Variants in LARP1B observed in about 807,000 individuals in gnomAD.
LARP1B encodes La ribonucleoprotein 1B, also known as la-related protein 1B.
Under a neutral mutation model 114.2 loss-of-function variants are expected in LARP1B, and 76 were observed. The observed-to-expected ratio is 0.67, with a 90% CI of 0.55 to 0.81. The LOEUF (loss-of-function observed/expected upper bound fraction) is 0.81. LARP1B is among the 30% of genes least tolerant of loss of function. The pLI is 0.00. For synonymous variants in LARP1B, 345 were observed against 348.0 expected, an observed-to-expected ratio of 0.99 and a Z score of 0.10; for missense variants, 1,014 against 1,075.8, an observed-to-expected ratio of 0.94 and a Z score of 0.80.
chr4:128,105,796 G>A (rs943014097), intron 8 of LARP1B, among the ~76,000 whole-genome samples: 3 of 152,114 alleles, frequency 2.0e-5, no homozygotes, highest in Non-Finnish European at 4.4e-5. Flanking sequence ...GAAGGCTGAG[G>A]CAGAGAATTG....
intron 5 of LARP1B, among the ~76,000 whole-genome samples, chr4:128,083,394 T>C (rs1282083091): frequency 1.4e-4 from 21 of 149,544 alleles, no homozygotes; most frequent in African/African-American, 2.2e-4. Flanking sequence ...TAGGGGCGGC[T>C]GGGCAGAGGC....
intron 9 of LARP1B, among the ~76,000 whole-genome samples, chr4:128,112,466 A>ATTTTTTTTTTT (rs1174266918): frequency 1.3e-4 from 9 of 69,322 alleles, no homozygotes; most frequent in Non-Finnish European, 1.5e-4. Context: ...TGCTTACTCT[A>ATTTTTTTTTTT]TTTTTTTTTT....
At position 128,107,139 on chromosome 4, in the gene LARP1B, G is replaced by A. The variant is rs983971028; in HGVS notation, c.814G>A (p.Ala272Thr). ...TTAATAGCTCAATTTCTGTTAATAG[G>A]CACTGAAGGATAGCACAGAAGTAGA... ...LTTNLNLILEALKDSTEVEIV... is the reference protein window; with the variant it reads ...LTTNLNLILETLKDSTEVEIV... Residue 272 changes from alanine to threonine, a missense_variant and splice_region_variant, in exon 9 of 20, where the codon GCA (alanine) becomes ACA (threonine). By Grantham distance (58) the Ala-to-Thr change is moderately conservative (BLOSUM62 0). Coordinates refer to ENST00000326639, the MANE Select transcript of LARP1B (RefSeq NM_018078.4). 2 of 1,611,570 alleles carry A rather than the reference G, an allele frequency of 1.2e-6. No individual in the cohort carries two copies. The highest frequency in any genetic ancestry group is 1.7e-6 in the Non-Finnish European group (2 of 1,177,864).
At chr4:128,070,490 C>T (rs1284543896) in intron 1 of LARP1B, among the ~76,000 whole-genome samples, 1 of 150,706 alleles carries the variant, frequency 6.6e-6, no homozygotes, top group Non-Finnish European at 1.5e-5. Context: ...GTGAAACCCT[C>T]TCTCTACTAA....
intron 3 of LARP1B, among the ~76,000 whole-genome samples, chr4:128,076,111 T>G (rs1163658892): frequency 6.6e-6 from 1 of 152,102 alleles, no homozygotes; most frequent in Admixed American, 6.6e-5. Flanking sequence ...CCTCCCGGGT[T>G]TAAGTGATTC....
chr4:128,214,042 G>A (rs560067952), downstream of LARP1B, among the ~76,000 whole-genome samples: 4 of 150,048 alleles, frequency 2.7e-5, no homozygotes, highest in Admixed American at 2.7e-4. Context: ...AAGGGGTGAC[G>A]GACGCACCTG....
chr4:128,179,929 T>C (rs1160247189), intron 15 of LARP1B, among the ~76,000 whole-genome samples: 1 of 152,166 alleles, frequency 6.6e-6, no homozygotes, highest in Non-Finnish European at 1.5e-5. Flanking sequence ...TCCCCCTTTT[T>C]TGAAAATCAT....
chr4:128,195,156 A>C (rs1397289984), intron 15 of LARP1B, among the ~76,000 whole-genome samples: 1 of 152,026 alleles, frequency 6.6e-6, no homozygotes, highest in African/African-American at 2.4e-5. Context: ...CCAGCTTTCT[A>C]TTATATTTGC....
At chr4:128,091,242 A>G in intron 6 of LARP1B, 98 bp downstream of exon 6, 1 of 1,530,936 alleles carries the variant, frequency 6.5e-7, no homozygotes. Context: ...TTGTCTGATA[A>G]TAGATGGTTT....
chr4:128,201,273 A>G (rs1755859579), intron 17 of LARP1B, among the ~76,000 whole-genome samples: 1 of 152,198 alleles, frequency 6.6e-6, no homozygotes, highest in South Asian at 2.1e-4. Context: ...GTACTACACA[A>G]GGTTGTTAAT....
At chr4:128,195,112 G>T (rs922890742) in intron 15 of LARP1B, among the ~76,000 whole-genome samples, 8 of 151,108 alleles carry the variant, frequency 5.3e-5, no homozygotes, top group African/African-American at 1.9e-4. Flanking sequence ...TTTTTTTGTT[G>T]TTGAAATCTT....
intron 5 of LARP1B, among the ~76,000 whole-genome samples, chr4:128,082,804 CTT>C (rs33973592): frequency 0.61 from 85,995 of 141,238 alleles, 26,164 homozygotes; most frequent in Middle Eastern, 0.81. Flanking sequence ...TCATTTTCTT[CTT>C]TTTTTTTTTT....
chr4:128,152,307 G>A (rs954080683), intron 11 of LARP1B, among the ~76,000 whole-genome samples: 43 of 150,356 alleles, frequency 2.9e-4, no homozygotes, highest in Admixed American at 4.7e-4. Flanking sequence ...GGGTTCAAGC[G>A]ATTCTCCTGC....
intron 9 of LARP1B, among the ~76,000 whole-genome samples, chr4:128,113,896 C>T (rs188708695): frequency 0.019 from 2,833 of 150,520 alleles, 44 homozygotes; most frequent in Non-Finnish European, 0.027. Context: ...AAGCGATTCT[C>T]CTGCGTCAGC....
chr4:128,127,901 A>G (rs1790176015), intron 11 of LARP1B, among the ~76,000 whole-genome samples: 1 of 152,250 alleles, frequency 6.6e-6, no homozygotes, highest in African/African-American at 2.4e-5. Flanking sequence ...AAGCTGCAGT[A>G]ATCAAGATAG....
intron 15 of LARP1B, among the ~76,000 whole-genome samples, chr4:128,186,888 G>A (rs557058203): frequency 5.9e-5 from 9 of 152,122 alleles, no homozygotes; most frequent in Non-Finnish European, 1.2e-4. Context: ...GCTAAAAGGG[G>A]CCCAGATACA....
At chr4:128,091,571 T>C (rs554015297) in intron 7 of LARP1B, 59 bp downstream of exon 7, 10 of 1,343,566 alleles carry the variant, frequency 7.4e-6, no homozygotes, top group South Asian at 1.5e-5. Context: ...ATATGAACTT[T>C]AATGTCATTG....
downstream of LARP1B, chr4:128,222,915 A>G (rs1446802455): frequency 1.3e-5 from 2 of 149,540 alleles, no homozygotes; most frequent in African/African-American, 4.9e-5. Flanking sequence ...TAAACACTAC[A>G]TGTTTATTTT....
chr4:128,159,406 C>G (rs1737362830), intron 11 of LARP1B, among the ~76,000 whole-genome samples: 1 of 152,108 alleles, frequency 6.6e-6, no homozygotes, highest in Non-Finnish European at 1.5e-5. Context: ...CTATCCCTAA[C>G]CCCTGGCAAC....
Sources: allele counts gnomAD v4.1 joint callset (sites outside exome capture counted in the v4.1 genomes callset), GRCh38; gene constraint gnomAD v4.1.1; transcripts MANE v1.5; gene names NCBI Gene and HGNC (gene_info 2026-07-23, HGNC 2026-07-21).